Variants in FAM120A observed in about 807,000 individuals in gnomAD.
FAM120A encodes the protein family with sequence similarity 120 member A, also known as constitutive coactivator of PPAR-gamma-like protein 1.
Under a neutral mutation model 109.7 loss-of-function variants are expected in FAM120A, and 15 were observed. That is an observed-to-expected ratio of 0.14 (90% CI 0.09 to 0.21). The LOEUF (loss-of-function observed/expected upper bound fraction) is 0.21, where lower values mean the gene tolerates loss of function less well. FAM120A is among the 10% of genes least tolerant of loss of function. The pLI is 1.00. For synonymous variants in FAM120A, 493 were observed against 572.8 expected (o/e 0.86, Z 1.99); for missense variants, 899 against 1,439.3 (o/e 0.62, Z 6.07).
At chr9:93,561,001 A>G (rs1239105245) in intron 15 of FAM120A, 108 bp from the exon 16 acceptor site, 7 of 1,207,048 alleles carry the variant, frequency 5.8e-6, no homozygotes, top group Non-Finnish European at 8.3e-6. Context: ...AAGTAGCTTC[A>G]TAGTAAATAT....
At chr9:93,455,451 C>G (rs1857509535) in intron 1 of FAM120A, among the ~76,000 whole-genome samples, 2 of 152,052 alleles carry the variant, frequency 1.3e-5, no homozygotes, top group Admixed American at 1.3e-4. Context: ...AAAATCAGAA[C>G]TATTCATCCA....
intron 13 of FAM120A, 83 bp from the exon 14 acceptor site, chr9:93,557,744 G>T: frequency 3.0e-6 from 4 of 1,336,934 alleles, no homozygotes; most frequent in Non-Finnish European, 3.1e-6. Flanking sequence ...ATAGTTGATA[G>T]ATCTTATTTC....
chr9:93,527,614 ATTT>A (rs67894788), intron 8 of FAM120A, among the ~76,000 whole-genome samples: 14 of 80,700 alleles, frequency 1.7e-4, no homozygotes, highest in African/African-American at 5.9e-4. Context: ...TTTGTATTTA[ATTT>A]TTTTTTTTTT....
intron 1 of FAM120A, among the ~76,000 whole-genome samples, chr9:93,455,734 C>T (rs1364005876): frequency 6.6e-6 from 1 of 151,954 alleles, no homozygotes; most frequent in Non-Finnish European, 1.5e-5. Flanking sequence ...GCGATCTCGG[C>T]TCACTGCAAC....
chr9:93,482,665 G>A (rs560149202), intron 3 of FAM120A, among the ~76,000 whole-genome samples: 1 of 152,182 alleles, frequency 6.6e-6, no homozygotes, highest in Non-Finnish European at 1.5e-5. Context: ...GAGCAACGAT[G>A]GTAGGGCCGT....
intron 15 of FAM120A, 141 bp from the exon 16 acceptor site, chr9:93,560,967 TA>T: frequency 1.1e-6 from 1 of 876,272 alleles, no homozygotes; most frequent in Non-Finnish European, 1.7e-6. Context: ...CACTACATAA[TA>T]AAAAATTGTA....
intron 1 of FAM120A, among the ~76,000 whole-genome samples, chr9:93,466,658 G>A (rs781354167): frequency 2.0e-5 from 3 of 152,044 alleles, no homozygotes; most frequent in Non-Finnish European, 4.4e-5. Flanking sequence ...TGCTACTGCT[G>A]CTTGGGGGTC....
At chr9:93,507,566 G>A (rs961469787) in intron 5 of FAM120A, among the ~76,000 whole-genome samples, 2 of 152,200 alleles carry the variant, frequency 1.3e-5, no homozygotes, top group African/African-American at 4.8e-5. Context: ...TGTGGTGGTG[G>A]AAGCGGAGGA....
rs776358335 is a variant in FAM120A at position 93,543,286 on chromosome 9, G to A, written c.1974G>A (p.Leu658=). 313 of 1,614,088 alleles carry A rather than the reference G, an allele frequency of 1.9e-4. 1 individual carries two copies. In the South Asian group the frequency reaches 3.1e-3, roughly 16 times the overall value. ...YKGKSPQTPE[L]VEALAFREWT... Reference sequence around the variant, plus strand: ...GAAAGTCTCCTCAAACCCCGGAACTGGTTGAAGCTCTTGCCTTCAGGGAGT... The same window carrying A: ...GAAAGTCTCCTCAAACCCCGGAACTAGTTGAAGCTCTTGCCTTCAGGGAGT... The change falls in exon 11 of 18, where the codon CTG becomes CTA. Residue 658 remains leucine (L), a synonymous_variant. Coordinates refer to ENST00000277165, the MANE Select transcript of FAM120A (RefSeq NM_014612.5).
At chr9:93,531,088 A>G (rs958957813) in intron 9 of FAM120A, 5 of 152,238 alleles carry the variant, frequency 3.3e-5, no homozygotes, top group African/African-American at 1.2e-4. Context: ...TGGCTCTGGT[A>G]TTAATTGCCC....
chr9:93,550,691 G>T lies in FAM120A; in HGVS notation c.2274G>T (p.Lys758Asn). The T allele has an allele frequency of 6.2e-7, 1 of 1,612,546 alleles. No individual in the cohort carries two copies. The change falls in exon 12 of 18, where the codon AAG (lysine) becomes AAT (asparagine). Residue 758 changes from lysine to asparagine, a missense_variant and splice_region_variant. Coordinates refer to ENST00000277165, the MANE Select transcript of FAM120A (RefSeq NM_014612.5). Reference protein sequence around the residue: ...LYEPDQLQELKIENLDPRGIQ... With the variant: ...LYEPDQLQELNIENLDPRGIQ... ...AGCCTGATCAGCTCCAGGAGCTCAAGGTAATTTATCAGCCTCATTGCATTG... is the reference window on the plus strand; with the variant it reads ...AGCCTGATCAGCTCCAGGAGCTCAATGTAATTTATCAGCCTCATTGCATTG...
chr9:93,501,126 G>A (rs2131359854), intron 5 of FAM120A, among the ~76,000 whole-genome samples: 1 of 152,332 alleles, frequency 6.6e-6, no homozygotes, highest in East Asian at 1.9e-4. Context: ...CAGAGGTGGG[G>A]CCGGCAGTCT....
intron 3 of FAM120A, among the ~76,000 whole-genome samples, chr9:93,481,175 C>T (rs891772396): frequency 1.3e-4 from 20 of 152,244 alleles, no homozygotes; most frequent in African/African-American, 3.9e-4. Flanking sequence ...CTGTGGCAGT[C>T]CACCCTGGGC....
intron 10 of FAM120A, among the ~76,000 whole-genome samples, chr9:93,540,758 C>A (rs1022547511): frequency 3.3e-5 from 5 of 152,132 alleles, no homozygotes; most frequent in Non-Finnish European, 7.4e-5. Flanking sequence ...GTGCCTGTGA[C>A]CTCCTCTTCA....
At position 93,451,803 on chromosome 9, in the gene FAM120A, T is replaced by TC. The variant is rs1857228660; in HGVS notation, c.-107dup. 1 of 861,322 alleles carries TC rather than the reference T, an allele frequency of 1.2e-6. No individual in the cohort carries two copies. Among genetic ancestry groups the TC allele is most frequent in the African/African-American group, 2.9e-5 (1 of 34,212 alleles). 53.4% of individuals were successfully genotyped at this position (861,322 alleles called of 1,614,324 possible). A position where few individuals can be genotyped will look rare whatever the true frequency, so the allele number is the denominator to read the frequency against. On this transcript the variant is annotated 5_prime_UTR_variant, in exon 1 of 18. The change abolishes the stop of an existing upstream ORF in the 5' untranslated region. Transcript: ENST00000277165. ...TGAGCGCGCCCCCGACCCGCCCCAG[T>TC]CCCCCCTAGAGGCCGCCGCCCCCGC...
chr9:93,453,262 T>C (rs1018131308), intron 1 of FAM120A: 22 of 991,334 alleles, frequency 2.2e-5, no homozygotes, highest in Non-Finnish European at 2.5e-5. Context: ...TAATCAGAGC[T>C]CTATATCACC....
At chr9:93,493,169 T>C (rs1048855333) in intron 3 of FAM120A, among the ~76,000 whole-genome samples, 1 of 152,220 alleles carries the variant, frequency 6.6e-6, no homozygotes, top group Non-Finnish European at 1.5e-5. Flanking sequence ...CCTCCCTAAA[T>C]TAAACCACAA....
intron 3 of FAM120A, among the ~76,000 whole-genome samples, chr9:93,494,163 C>G (rs1859466487): frequency 6.6e-6 from 1 of 152,188 alleles, no homozygotes; most frequent in East Asian, 1.9e-4. Flanking sequence ...AGCTCTTTCC[C>G]CAACTGTGCC....
At chr9:93,475,310 A>T (rs1374278275) in intron 2 of FAM120A, among the ~76,000 whole-genome samples, 1 of 152,188 alleles carries the variant, frequency 6.6e-6, no homozygotes. Flanking sequence ...CATCATGTTG[A>T]TGTTGAAAAA....
Sources: gnomAD v4.1 joint callset for allele counts (sites outside exome capture counted in the v4.1 genomes callset) on GRCh38, gnomAD v4.1.1 for gene constraint, MANE v1.5 for transcripts, NCBI Gene and HGNC (gene_info 2026-07-23, HGNC 2026-07-21) for gene names.